The following RAPGEF2 variants were observed in gnomAD, a reference collection of about 807,000 sequenced individuals.
The protein encoded by RAPGEF2 is Rap guanine nucleotide exchange factor 2.
Under a neutral mutation model 186.7 loss-of-function variants are expected in RAPGEF2, and 54 were observed. That is an observed-to-expected ratio of 0.29 (90% confidence interval 0.23 to 0.36). The LOEUF (loss-of-function observed/expected upper bound fraction) is 0.36, where lower values mean the gene tolerates loss of function less well. RAPGEF2 is among the 10% of genes least tolerant of loss of function. RAPGEF2 has a pLI of 1.00. For missense variants in RAPGEF2, 1,532 were observed against 2,045.0 expected, an observed-to-expected ratio of 0.75 and a Z score of 4.84; for synonymous variants, 712 against 705.9, an observed-to-expected ratio of 1.01 and a Z score of -0.14.
intron 1 of RAPGEF2, among the ~76,000 whole-genome samples, chr4:159,173,961 A>G (rs1004711061): frequency 1.3e-5 from 2 of 152,218 alleles, no homozygotes; most frequent in Admixed American, 6.5e-5. Flanking sequence ...TTTGCTGCCT[A>G]AGAGATGGCA....
intron 1 of RAPGEF2, among the ~76,000 whole-genome samples, chr4:159,159,876 G>C (rs1224468690): frequency 1.3e-5 from 2 of 152,164 alleles, no homozygotes; most frequent in Admixed American, 1.3e-4. Flanking sequence ...ATTGTTCTCA[G>C]ATCATCAGGT....
chr4:159,112,505 C>T (rs1041927607), intron 1 of RAPGEF2, among the ~76,000 whole-genome samples: 6 of 151,854 alleles, frequency 4.0e-5, no homozygotes, highest in Non-Finnish European at 8.8e-5. Flanking sequence ...TCCCAATGGC[C>T]AAATTTGGGA....
At chr4:159,202,705 G>A (rs1238879254) in intron 3 of RAPGEF2, among the ~76,000 whole-genome samples, 3 of 152,114 alleles carry the variant, frequency 2.0e-5, no homozygotes, top group South Asian at 2.1e-4. Flanking sequence ...GGGTTCAAGC[G>A]ATTCTCTTGC....
chr4:159,178,212 T>TCC (rs1247081466), intron 1 of RAPGEF2, among the ~76,000 whole-genome samples: 5 of 151,846 alleles, frequency 3.3e-5, no homozygotes, highest in African/African-American at 1.2e-4. Flanking sequence ...TGGAACATAA[T>TCC]CCCCCCACCC....
chr4:159,296,783 G>T (rs977252405), intron 7 of RAPGEF2, among the ~76,000 whole-genome samples: 2 of 152,202 alleles, frequency 1.3e-5, no homozygotes, highest in African/African-American at 4.8e-5. Flanking sequence ...ATGGTACTTA[G>T]ATCATGCAGT....
intron 1 of RAPGEF2, among the ~76,000 whole-genome samples, chr4:159,105,350 G>A (rs1407974087): frequency 6.6e-6 from 1 of 152,166 alleles, no homozygotes; most frequent in African/African-American, 2.4e-5. Context: ...AAATCCAAAT[G>A]CTCTCCTTCT....
chr4:159,104,509 A>C (rs1560964502), intron 1 of RAPGEF2, among the ~76,000 whole-genome samples: 1 of 128,578 alleles, frequency 7.8e-6, no homozygotes, highest in Non-Finnish European at 1.6e-5. Flanking sequence ...AGAGAGAGAG[A>C]GAGAGAGAGA....
intron 17 of RAPGEF2, 61 bp from the exon 18 acceptor site, chr4:159,338,250 A>G (rs1767750148): frequency 6.8e-7 from 1 of 1,464,818 alleles, no homozygotes; most frequent in Non-Finnish European, 9.3e-7. Flanking sequence ...TGTTTATTAT[A>G]TAGTGATGAT....
At chr4:159,159,406 A>G (rs544935379) in intron 1 of RAPGEF2, among the ~76,000 whole-genome samples, 2,358 of 150,424 alleles carry the variant, frequency 0.016, 32 homozygotes, top group Non-Finnish European at 0.023. Context: ...AGATGTTTTC[A>G]AGAAAACTGA....
At chr4:159,345,724 G>A (rs889043792) in intron 24 of RAPGEF2, among the ~76,000 whole-genome samples, 2 of 152,194 alleles carry the variant, frequency 1.3e-5, no homozygotes, top group Non-Finnish European at 2.9e-5. Context: ...TGTGCTGGCT[G>A]CCTTTTAACC....
intron 1 of RAPGEF2, among the ~76,000 whole-genome samples, chr4:159,183,665 A>T (rs1039118985): frequency 3.9e-5 from 6 of 152,250 alleles, no homozygotes; most frequent in African/African-American, 1.4e-4. Flanking sequence ...CTGAATAAGG[A>T]CCTTCTATCC....
At chr4:159,164,269 G>T (rs1229980281) in intron 1 of RAPGEF2, among the ~76,000 whole-genome samples, 1 of 150,170 alleles carries the variant, frequency 6.7e-6, no homozygotes. Flanking sequence ...CTCCCAAAGT[G>T]CTGGGATTAC....
rs144729396 is a variant in RAPGEF2 at position 159,251,883 on chromosome 4, C to A, written c.543+8092C>A. Among the ~76,000 whole-genome samples the A allele has an allele frequency of 7.4e-4, 112 of 151,762 alleles. 1 individual carries two copies. In the East Asian group the frequency reaches 0.019, roughly 26 times the overall value. Reference sequence around the variant, plus strand: ...GATCTGCTTGGGTTCGTTTCCACAGCGTGGAGTAAATTTTGCTGCGGCTCA... The same window carrying A: ...GATCTGCTTGGGTTCGTTTCCACAGAGTGGAGTAAATTTTGCTGCGGCTCA... On this transcript the variant is annotated intron_variant, in intron 7 of 29. Transcript: ENST00000691494.
chr4:159,167,628 T>C (rs1745467900), intron 1 of RAPGEF2, among the ~76,000 whole-genome samples: 1 of 152,182 alleles, frequency 6.6e-6, no homozygotes, highest in African/African-American at 2.4e-5. Flanking sequence ...TTTTAAAAAA[T>C]GTTCTATTTA....
intron 1 of RAPGEF2, among the ~76,000 whole-genome samples, chr4:159,125,738 A>G (rs1740223303): frequency 6.7e-6 from 1 of 150,016 alleles, no homozygotes; most frequent in Non-Finnish European, 1.5e-5. Context: ...AGCCTGGGCG[A>G]CAGAGTGAGA....
chr4:159,131,519 A>ATTTTTTTT (rs35670450), intron 1 of RAPGEF2, among the ~76,000 whole-genome samples: 5 of 37,174 alleles, frequency 1.3e-4, no homozygotes, highest in Non-Finnish European at 2.5e-4. Flanking sequence ...ATTAATTGCT[A>ATTTTTTTT]TTTTTTTTTT....
At chr4:159,115,394 C>T (rs192828879) in intron 1 of RAPGEF2, among the ~76,000 whole-genome samples, 9 of 151,792 alleles carry the variant, frequency 5.9e-5, no homozygotes, top group African/African-American at 2.2e-4. Context: ...TTTGAGGGCA[C>T]AAATGAAAAA....
chr4:159,322,194 G>A (rs184028164), intron 9 of RAPGEF2, among the ~76,000 whole-genome samples, 153 bp from the exon 10 acceptor site: 78 of 152,302 alleles, frequency 5.1e-4, no homozygotes, highest in East Asian at 2.1e-3. Context: ...GTACCTGCAA[G>A]AAATTCAGCT....
intron 1 of RAPGEF2, among the ~76,000 whole-genome samples, chr4:159,117,964 T>C (rs774010316): frequency 5.3e-5 from 8 of 150,028 alleles, no homozygotes; most frequent in Non-Finnish European, 1.0e-4. Context: ...CTATATTATG[T>C]TTTTTTTTTC....
Sources: gnomAD v4.1 joint callset for allele counts (sites outside exome capture counted in the v4.1 genomes callset) on GRCh38, gnomAD v4.1.1 for gene constraint, MANE v1.5 for transcripts, NCBI Gene and HGNC (gene_info 2026-07-23, HGNC 2026-07-21) for gene names.